The following TSHZ2 variants were observed in gnomAD, a reference collection of about 807,000 sequenced individuals.
TSHZ2 encodes teashirt homolog 2.
Under a neutral mutation model 74.4 loss-of-function variants are expected in TSHZ2, and 21 were observed. That is an observed-to-expected ratio of 0.28 (90% CI 0.20 to 0.41). The LOEUF (loss-of-function observed/expected upper bound fraction) is 0.41. Among genes scored for constraint, TSHZ2 ranks in the 10% least tolerant of loss-of-function variants. The probability of loss-of-function intolerance (pLI) is 1.00; values close to 1 mark genes in which losing one functional copy is unlikely to be tolerated. For synonymous variants in TSHZ2, 540 were observed against 515.3 expected, an observed-to-expected ratio of 1.05 and a Z score of -0.65; for missense variants, 1,244 against 1,293.5, an observed-to-expected ratio of 0.96 and a Z score of 0.59.
chr20:53,163,944 TATGTC>T (rs934199645), intron 1 of TSHZ2, among the ~76,000 whole-genome samples: 8 of 152,244 alleles, frequency 5.3e-5, no homozygotes, highest in Non-Finnish European at 8.8e-5. Flanking sequence ...CTCCATTAAT[TATGTC>T]ATAAGCATCT....
chr20:53,460,096 G>A (rs1353931163), intron 2 of TSHZ2, among the ~76,000 whole-genome samples: 2 of 151,902 alleles, frequency 1.3e-5, no homozygotes, highest in Non-Finnish European at 1.5e-5. Context: ...GAAGCTGAAC[G>A]TTGGCCTGCC....
intron 2 of TSHZ2, among the ~76,000 whole-genome samples, chr20:53,334,766 C>A (rs563609259): frequency 6.6e-6 from 1 of 152,034 alleles, no homozygotes; most frequent in Admixed American, 6.5e-5. Flanking sequence ...GCACTGCAAC[C>A]TCCGCCTCCT....
intron 2 of TSHZ2, among the ~76,000 whole-genome samples, chr20:53,431,456 C>CAAA (rs58938803): frequency 1.5e-5 from 2 of 134,562 alleles, no homozygotes; most frequent in Non-Finnish European, 1.6e-5. Flanking sequence ...AACTCTGTCT[C>CAAA]AAAAAAAAAA....
At chr20:53,017,442 T>G (rs1047009072) in intron 1 of TSHZ2, among the ~76,000 whole-genome samples, 4 of 152,206 alleles carry the variant, frequency 2.6e-5, no homozygotes, top group African/African-American at 9.6e-5. Context: ...GCCAACATTT[T>G]TTTTCTTTAA....
rs376371321 is a variant in TSHZ2, at chr20:53,256,597, G to A, written c.*8+26G>A. 2.5e-5 allele frequency: 38 copies of A among 1,535,274 alleles called. No individual in the cohort carries two copies. Among genetic ancestry groups the A allele is most frequent in the Middle Eastern group, 1.8e-4 (1 of 5,690 alleles). ...GTATGGGTTTGCTCTGAGGCATTGC[G>A]ATTAGCCTGGTGAGGAGCTTTCTTA... On this transcript the variant is annotated intron_variant, in intron 2 of 2. Coordinates refer to ENST00000371497, the MANE Select transcript of TSHZ2 (RefSeq NM_173485.6). This position sits in a 1 kb window ranked among gnomAD's most constrained non-coding sequence, Gnocchi z 4.3.
chr20:53,480,172 G>A (rs2145853550), intron 2 of TSHZ2, among the ~76,000 whole-genome samples: 1 of 150,698 alleles, frequency 6.6e-6, no homozygotes, highest in South Asian at 2.1e-4. Context: ...GGGTTCAAAT[G>A]ATTCTCCTGC....
chr20:53,324,384 G>GTTTTT (rs1979409021), intron 2 of TSHZ2, among the ~76,000 whole-genome samples: 1 of 151,940 alleles, frequency 6.6e-6, no homozygotes, highest in Non-Finnish European at 1.5e-5. Context: ...GTTTTGTTTT[G>GTTTTT]CTTTGTTTTT....
intron 1 of TSHZ2, among the ~76,000 whole-genome samples, chr20:53,223,304 G>A (rs1309146274): frequency 6.6e-6 from 1 of 152,020 alleles, no homozygotes; most frequent in East Asian, 1.9e-4. Context: ...GTTATTTCAG[G>A]GTGAATTTTA....
chr20:53,061,336 G>C (rs1422912345), intron 1 of TSHZ2, among the ~76,000 whole-genome samples: 1 of 152,130 alleles, frequency 6.6e-6, no homozygotes, highest in East Asian at 1.9e-4. Context: ...CATTGTAGGG[G>C]CTCAACATAT....
intron 1 of TSHZ2, among the ~76,000 whole-genome samples, chr20:53,247,408 C>G (rs1990233005): frequency 6.6e-6 from 1 of 152,158 alleles, no homozygotes; most frequent in Non-Finnish European, 1.5e-5. Flanking sequence ...CAGAGGGATC[C>G]CTCCACATGG....
Position 53,306,390 on chromosome 20 carries a change from A to G in TSHZ2, c.*8+49819A>G, listed in dbSNP as rs577672174. The stretch of plus-strand genomic sequence containing the variant: ...TGTATTTTGCTTCTCCAGCCCCTAC[A>G]GTAGAGGAAGCACAGCAGAGAGAGG... On this transcript the variant is annotated intron_variant, in intron 2 of 2. Coordinates refer to ENST00000371497, the MANE Select transcript of TSHZ2 (RefSeq NM_173485.6). Among the ~76,000 whole-genome samples, 8 of 152,320 alleles carry G rather than the reference A, an allele frequency of 5.3e-5. No individual in the cohort carries two copies. The East Asian group carries it at 1.2e-3, about 22-fold the overall frequency.
chr20:53,042,770 G>A (rs1389949439), intron 1 of TSHZ2, among the ~76,000 whole-genome samples: 1 of 151,992 alleles, frequency 6.6e-6, no homozygotes, highest in South Asian at 2.1e-4. Flanking sequence ...CATCTATTGG[G>A]GATTTAGTGG....
chr20:53,007,624 T>TGA (rs1003831288), intron 1 of TSHZ2, among the ~76,000 whole-genome samples: 62 of 152,144 alleles, frequency 4.1e-4, no homozygotes, highest in African/African-American at 1.4e-3. Context: ...TGTGTGTGTG[T>TGA]GAGTATGTGT....
intron 2 of TSHZ2, among the ~76,000 whole-genome samples, chr20:53,299,315 C>T (rs147988162): frequency 2.0e-4 from 31 of 152,326 alleles, no homozygotes; most frequent in African/African-American, 7.5e-4. Context: ...TGTAAAACAA[C>T]TTGAACTGCT....
At chr20:53,163,467 T>C (rs1260353124) in intron 1 of TSHZ2, among the ~76,000 whole-genome samples, 1 of 150,888 alleles carries the variant, frequency 6.6e-6, no homozygotes, top group East Asian at 1.9e-4. Context: ...TTTTTTTTTA[T>C]TATACTCTAA....
At chr20:53,105,623 GTTATA>G (rs1235176248) in intron 1 of TSHZ2, among the ~76,000 whole-genome samples, 2 of 151,684 alleles carry the variant, frequency 1.3e-5, no homozygotes, top group African/African-American at 2.4e-5. Flanking sequence ...CTTTTTTTAA[GTTATA>G]TTTTATTTTA....
chr20:53,275,718 G>A lies in TSHZ2; in HGVS notation c.*8+19147G>A, dbSNP rs538863900. ...CAAGGTGGATGGATCACCTGAGGTC[G>A]GGAGTTCAAGACCAGTCTGACCAAC... On this transcript the variant is annotated intron_variant, in intron 2 of 2. Transcript: ENST00000371497. 4.6e-5 allele frequency among the ~76,000 whole-genome samples: 7 copies of A among 152,218 alleles called. No homozygotes were observed. The South Asian group carries it at 1.4e-3, about 32-fold the overall frequency.
intron 2 of TSHZ2, among the ~76,000 whole-genome samples, chr20:53,297,792 A>T (rs1046740797): frequency 7.9e-5 from 12 of 152,214 alleles, no homozygotes; most frequent in African/African-American, 2.9e-4. Flanking sequence ...TGAGGATTAA[A>T]TGTTATAATT....
chr20:53,373,215 C>T (rs1981539768), intron 2 of TSHZ2, among the ~76,000 whole-genome samples: 1 of 152,160 alleles, frequency 6.6e-6, no homozygotes, highest in African/African-American at 2.4e-5. Context: ...TAATTCTGAA[C>T]ATTTGCTGAC....
Sources: gnomAD v4.1 joint callset for allele counts (sites outside exome capture counted in the v4.1 genomes callset) on GRCh38, gnomAD v4.1.1 for gene constraint, Gnocchi (gnomAD v3.1) non-coding constraint, MANE v1.5 for transcripts, NCBI Gene and HGNC (gene_info 2026-07-23, HGNC 2026-07-21) for gene names.